ZNF679: variants seen among roughly 807,000 people sequenced by gnomAD.
The protein encoded by ZNF679 is hypothetical protein MGC42415.
Under a neutral mutation model 13.4 loss-of-function variants are expected in ZNF679, and 10 were observed. The observed-to-expected ratio is 0.75, with a 90% CI of 0.46 to 1.27. ZNF679 has a LOEUF of 1.27. Ranked by LOEUF, ZNF679 falls within the 50% of genes most tolerant of loss-of-function variation. ZNF679 has a pLI of 0.00. For missense variants in ZNF679, 525 were observed against 477.8 expected (o/e 1.10, Z -0.92); for synonymous variants, 179 against 162.5 (o/e 1.10, Z -0.77).
intron 1 of ZNF679, among the ~76,000 whole-genome samples, chr7:64,236,973 G>GAA (rs57420349): frequency 7.5e-5 from 4 of 53,640 alleles, no homozygotes; most frequent in Non-Finnish European, 2.8e-4. Flanking sequence ...AAGAAAGAAA[G>GAA]AAAAAGAAAG....
In ZNF679 at chr7:64,236,951, AAG is replaced by A. The variant is rs1787728590; in HGVS notation, c.-91+8301_-91+8302del. Among the ~76,000 whole-genome samples the A allele has an allele frequency of 1.7e-4, 6 of 34,690 alleles. No homozygotes were observed. The South Asian group carries it at 4.2e-3, about 24-fold the overall frequency. The allele number at this position is 34,690 out of a possible 152,430, so 22.8% of individuals were successfully genotyped here. A position where few individuals can be genotyped will look rare whatever the true frequency, so the allele number is the denominator to read the frequency against. On this transcript the variant is annotated intron_variant, in intron 1 of 4. Coordinates refer to ENST00000421025, the MANE Select transcript of ZNF679 (RefSeq NM_153363.3). The stretch of plus-strand genomic sequence containing the variant: ...AAAGAAAGAAAGAAAGAAAGAAAGA[AAG>A]AAAGAAAGAAAGAAAGAAAGAAAAA...
At chr7:64,228,730 CA>C (rs1787594623) in intron 1 of ZNF679, 78 bp downstream of exon 1, 1 of 152,250 alleles carries the variant, frequency 6.6e-6, no homozygotes, top group Non-Finnish European at 1.5e-5. Context: ...TCTCCACCTG[CA>C]AACAGAGTCC....
chr7:64,253,065 T>A (rs1787962957), intron 2 of ZNF679, among the ~76,000 whole-genome samples: 1 of 152,198 alleles, frequency 6.6e-6, no homozygotes, highest in Admixed American at 6.5e-5. Flanking sequence ...GAGATGGGAC[T>A]GCGCACCTTC....
chr7:64,258,933 C>T (rs1313941240), intron 2 of ZNF679, among the ~76,000 whole-genome samples: 1 of 150,348 alleles, frequency 6.7e-6, no homozygotes, highest in Non-Finnish European at 1.5e-5. Flanking sequence ...GTTTTGAGAC[C>T]GAGTTTTCAC....
At chr7:64,241,803 G>T (rs1397573465) in intron 1 of ZNF679, among the ~76,000 whole-genome samples, 2 of 152,184 alleles carry the variant, frequency 1.3e-5, no homozygotes, top group Non-Finnish European at 2.9e-5. Context: ...GGCTCATGCA[G>T]GAGAGAAACA....
intron 4 of ZNF679, 23 bp from the exon 5 acceptor site, chr7:64,265,873 C>G: frequency 6.2e-7 from 1 of 1,604,672 alleles, no homozygotes; most frequent in South Asian, 1.1e-5. Flanking sequence ...AGTGAAGTAA[C>G]TTGTGATTTT....
intron 1 of ZNF679, among the ~76,000 whole-genome samples, chr7:64,229,920 T>TG (rs1290147925): frequency 6.6e-5 from 10 of 152,220 alleles, no homozygotes; most frequent in Non-Finnish European, 1.5e-4. Context: ...ACCTGAGTTC[T>TG]GGGCTTAGTG....
intron 4 of ZNF679, among the ~76,000 whole-genome samples, chr7:64,264,493 AT>A (rs1162690934): frequency 1.3e-5 from 2 of 151,890 alleles, no homozygotes; most frequent in Non-Finnish European, 2.9e-5. Flanking sequence ...ATGATTATGT[AT>A]TTTTTTCATC....
chr7:64,251,566 T>C (rs905336069), intron 2 of ZNF679, among the ~76,000 whole-genome samples: 2 of 152,216 alleles, frequency 1.3e-5, no homozygotes, highest in Non-Finnish European at 1.5e-5. Context: ...CTTATCATAA[T>C]GCGTGGGTTG....
intron 4 of ZNF679, among the ~76,000 whole-genome samples, chr7:64,265,362 C>T (rs1355152720): frequency 3.9e-5 from 6 of 152,276 alleles, no homozygotes; most frequent in Non-Finnish European, 8.8e-5. Context: ...CAGTAGGTAG[C>T]TACTTTCCAC....
At chr7:64,237,272 G>C (rs920631814) in intron 1 of ZNF679, among the ~76,000 whole-genome samples, 1 of 152,188 alleles carries the variant, frequency 6.6e-6, no homozygotes, top group African/African-American at 2.4e-5. Flanking sequence ...AGCAACAGAA[G>C]TAATTTCAGC....
intron 1 of ZNF679, among the ~76,000 whole-genome samples, chr7:64,229,729 T>C (rs997851682): frequency 2.6e-5 from 4 of 152,286 alleles, no homozygotes; most frequent in Admixed American, 2.0e-4. Flanking sequence ...GTAAAAAATC[T>C]GTTGTATTTG....
At chr7:64,262,764 C>T (rs1303395744) in intron 4 of ZNF679, among the ~76,000 whole-genome samples, 5 of 152,072 alleles carry the variant, frequency 3.3e-5, no homozygotes, top group African/African-American at 7.2e-5. Context: ...CTGTTTTTCA[C>T]GTGTGTTTCT....
At chr7:64,233,519 C>T (rs1787669339) in intron 1 of ZNF679, among the ~76,000 whole-genome samples, 1 of 151,806 alleles carries the variant, frequency 6.6e-6, no homozygotes, top group South Asian at 2.1e-4. Flanking sequence ...AACAAAAAAC[C>T]TTTTTCCTCT....
chr7:64,240,772 A>C (rs189823957), intron 1 of ZNF679, among the ~76,000 whole-genome samples: 1 of 152,270 alleles, frequency 6.6e-6, no homozygotes, highest in East Asian at 1.9e-4. Context: ...AGAAATTCAC[A>C]ATCCGGGACA....
At chr7:64,247,934 G>T (rs1267941078) in intron 1 of ZNF679, among the ~76,000 whole-genome samples, 1 of 151,932 alleles carries the variant, frequency 6.6e-6, no homozygotes, top group Non-Finnish European at 1.5e-5. Context: ...TACTGCAGAG[G>T]ATTGCCTCCT....
intron 1 of ZNF679, among the ~76,000 whole-genome samples, chr7:64,234,691 T>G (rs1787685223): frequency 6.6e-6 from 1 of 152,114 alleles, no homozygotes; most frequent in Non-Finnish European, 1.5e-5. Context: ...GAACCATAAG[T>G]TCTACAGGAC....
Position 64,266,340 on chromosome 7 carries a change from G to A in ZNF679, c.707G>A (p.Gly236Glu). Residue 236 changes from glycine to glutamate, a missense_variant, in exon 5 of 5, where the codon GGA (glycine) becomes GAA (glutamate). Coordinates refer to ENST00000421025, the MANE Select transcript of ZNF679 (RefSeq NM_153363.3). The part of the protein sequence containing the change: ...TLSKHKRIHT[G>E]EKPYRCEECG... ...TCTAAACATAAAAGAATTCATACTG[G>A]AGAGAAACCCTACAGATGTGAGGAA... The A allele has an allele frequency of 1.2e-6, 2 of 1,613,462 alleles. No homozygotes were observed. The highest frequency in any genetic ancestry group is 1.3e-5 in the African/African-American group (1 of 75,020).
At position 64,266,421 on chromosome 7, in the gene ZNF679, C is replaced by G. The variant is rs776911911; in HGVS notation, c.788C>G (p.Thr263Ser). 1.1e-5 allele frequency: 17 copies of G among 1,612,794 alleles called. No homozygotes were observed. The South Asian group carries it at 1.9e-4, about 18-fold the overall frequency. ...STLTKHRRIHTGEKPYTCEEC... is the reference protein window; with the variant it reads ...STLTKHRRIHSGEKPYTCEEC... The stretch of plus-strand genomic sequence containing the variant: ...CTTACTAAACATAGGAGAATTCATA[C>G]TGGAGAAAAACCCTACACATGTGAA... The change falls in exon 5 of 5, where the codon ACT becomes AGT. Residue 263 changes from threonine to serine, a missense_variant. By Grantham distance (58) the Thr-to-Ser change is moderately conservative. Coordinates refer to ENST00000421025, the MANE Select transcript of ZNF679 (RefSeq NM_153363.3).
Sources: gnomAD v4.1 joint callset for allele counts (sites outside exome capture counted in the v4.1 genomes callset) on GRCh38, gnomAD v4.1.1 for gene constraint, MANE v1.5 for transcripts, NCBI Gene and HGNC (gene_info 2026-07-23, HGNC 2026-07-21) for gene names.